Variants in ALDH16A1 observed in about 807,000 individuals in gnomAD.
ALDH16A1 encodes aldehyde dehydrogenase 16 family member A1.
In ALDH16A1, 88 loss-of-function variants were observed where a neutral mutation model predicts 96.1. That is an observed-to-expected ratio of 0.92 (90% CI 0.77 to 1.09). The LOEUF (loss-of-function observed/expected upper bound fraction) is 1.09. Ranked by LOEUF, ALDH16A1 falls within the 50% of genes least tolerant of loss-of-function variation. ALDH16A1 has a pLI of 0.00. For synonymous variants in ALDH16A1, 522 were observed against 496.4 expected (o/e 1.05, Z -0.69); for missense variants, 1,250 against 1,112.6 (o/e 1.12, Z -1.76).
At chr19:49,464,901 C>T in intron 12 of ALDH16A1, 139 bp downstream of exon 12, 1 of 1,338,992 alleles carries the variant, frequency 7.5e-7, no homozygotes, top group South Asian at 1.3e-5. Flanking sequence ...GTTGTGGCCT[C>T]ACACTTTCCC....
chr19:49,458,772 G>A (rs1218188045), intron 2 of ALDH16A1, among the ~76,000 whole-genome samples, 184 bp downstream of exon 2: 1 of 152,210 alleles, frequency 6.6e-6, no homozygotes, highest in Non-Finnish European at 1.5e-5. Flanking sequence ...GGTCTCTGTG[G>A]AGGCTTTGTG....
chr19:49,470,515 G>T lies in ALDH16A1; in HGVS notation c.*48G>T. The T allele has an allele frequency of 1.4e-6, 2 of 1,458,956 alleles. No individual in the cohort carries two copies. The highest frequency in any genetic ancestry group is 1.8e-6 in the Non-Finnish European group (2 of 1,105,358). 90.4% of individuals were successfully genotyped at this position (1,458,956 alleles called of 1,614,324 possible). On this transcript the variant is annotated 3_prime_UTR_variant, in exon 17 of 17. Transcript: ENST00000293350. Reference sequence around the variant, plus strand: ...TTTTGGACACCTCACACCAAGGGGAGATGCACCCCACAGACACCTGGGACT... The same window carrying T: ...TTTTGGACACCTCACACCAAGGGGATATGCACCCCACAGACACCTGGGACT...
chr19:49,462,653 T>A lies in ALDH16A1; in HGVS notation c.996T>A (p.Ser332Arg). Residue 332 changes from serine (S) to arginine (R), a missense_variant, in exon 8 of 17, where the codon AGT becomes AGA. By Grantham distance (110) the Ser-to-Arg change is moderately radical (BLOSUM62 -1). Transcript: ENST00000293350. ...RLQERMGRLR[S>R]GRGLDGAVDM... Reference sequence around the variant, plus strand: ...AGGAGCGGATGGGGCGGCTTCGGAGTGGCCGAGGGCTGGATGGGGCCGTGG... The same window carrying A: ...AGGAGCGGATGGGGCGGCTTCGGAGAGGCCGAGGGCTGGATGGGGCCGTGG... The A allele has an allele frequency of 6.2e-7, 1 of 1,611,848 alleles. No homozygotes were observed. Among genetic ancestry groups the A allele is most frequent in the East Asian group, 2.2e-5 (1 of 44,838 alleles).
Position 49,468,521 on chromosome 19 carries a change from G to C in ALDH16A1, c.2079G>C (p.Met693Ile), listed in dbSNP as rs771599018. 6.2e-7 allele frequency: 1 copy of C among 1,604,674 alleles called. No homozygotes were observed. The highest frequency in any genetic ancestry group is 2.2e-5 in the East Asian group (1 of 44,868). The change falls in exon 15 of 17, where the codon ATG (methionine) becomes ATC (isoleucine). Residue 693 changes from methionine to isoleucine, a missense_variant. Transcript: ENST00000293350. This position sits in a 1 kb window ranked among gnomAD's most constrained non-coding sequence, Gnocchi z 4.4. ...PALAYGNTVV[M>I]VPSAACPLLA... Reference sequence around the variant, plus strand: ...TGGCCTACGGCAACACTGTGGTCATGGTGCCCAGTGCGGCCTGTCCTCTGC... The same window carrying C: ...TGGCCTACGGCAACACTGTGGTCATCGTGCCCAGTGCGGCCTGTCCTCTGC...
intron 7 of ALDH16A1, 53 bp from the exon 8 acceptor site, chr19:49,462,517 C>T: frequency 6.4e-7 from 1 of 1,574,290 alleles, no homozygotes. Flanking sequence ...CTTCAGATCA[C>T]CAACTTGCTA....
In ALDH16A1 at chr19:49,453,282, C is replaced by G. The variant is rs2079081470; in HGVS notation, c.-50C>G. 1 of 1,503,026 alleles carries G rather than the reference C, an allele frequency of 6.7e-7. No homozygotes were observed. The allele number at this position is 1,503,026 out of a possible 1,614,324, so 93.1% of individuals were successfully genotyped here. A position where few individuals can be genotyped will look rare whatever the true frequency, so the allele number is the denominator to read the frequency against. ...TCGCTCTTCGGACCTCAAGGTTCCC[C>G]TTAACACAGAGCGCCCCGCAGTCTT... is the stretch of plus-strand genomic sequence containing the variant. On this transcript the variant is annotated 5_prime_UTR_variant, in exon 1 of 17. Coordinates refer to ENST00000293350, the MANE Select transcript of ALDH16A1 (RefSeq NM_153329.4).
Position 49,459,062 on chromosome 19 carries a change from T to G in ALDH16A1, c.296T>G (p.Val99Gly), listed in dbSNP as rs778982920. The change falls in exon 3 of 17, where the codon GTC (valine) becomes GGC (glycine). Residue 99 changes from valine (V) to glycine (G), a missense_variant. Physicochemically the swap from Val to Gly is moderately radical, Grantham distance 109 (BLOSUM62 -3). Transcript: ENST00000293350. The surrounding 1 kb of genome is among the most constrained non-coding windows in gnomAD (Gnocchi z 4.1). ...AAGGGCTGGAGTGCGCACCCCGGCGTCGTCCGGGCCCAGCACCTGACCAGG... is the reference window on the plus strand; with the variant it reads ...AAGGGCTGGAGTGCGCACCCCGGCGGCGTCCGGGCCCAGCACCTGACCAGG... Reference protein sequence around the residue: ...AFKGWSAHPGVVRAQHLTRLA... With the variant: ...AFKGWSAHPGGVRAQHLTRLA... The G allele has an allele frequency of 2.8e-5, 45 of 1,612,916 alleles. No individual in the cohort carries two copies. The highest frequency in any genetic ancestry group is 8.5e-6 in the Non-Finnish European group (10 of 1,179,938).
Position 49,461,991 on chromosome 19 carries a change from G to C in ALDH16A1, c.867G>C (p.Ser289=). ...TGACGGACACGGCGGACGTAGACTCGGCCGTGGAGGGTGTCGTGGACGCCG... is the reference window on the plus strand; with the variant it reads ...TGACGGACACGGCGGACGTAGACTCCGCCGTGGAGGGTGTCGTGGACGCCG... ...LLLTDTADVD[S]AVEGVVDAAW... The change falls in exon 7 of 17, where the codon TCG becomes TCC. Residue 289 remains serine, a synonymous_variant. Transcript: ENST00000293350. The C allele has an allele frequency of 1.3e-6, 2 of 1,547,334 alleles. No homozygotes were observed. Among genetic ancestry groups the C allele is most frequent in the East Asian group, 2.4e-5 (1 of 41,240 alleles).
chr19:49,460,726 T>TG, intron 4 of ALDH16A1, 96 bp from the exon 5 acceptor site: 1 of 1,041,804 alleles, frequency 9.6e-7, no homozygotes, highest in Non-Finnish European at 1.4e-6. Flanking sequence ...TTTTTTTTTT[T>TG]TTTCCTAATG....
At chr19:49,460,974 C>G in intron 5 of ALDH16A1, 75 bp downstream of exon 5, 2 of 1,494,112 alleles carry the variant, frequency 1.3e-6, no homozygotes, top group African/African-American at 1.4e-5. Context: ...ACTCCAGAGT[C>G]TGAGAGACAA....
intron 9 of ALDH16A1, 65 bp downstream of exon 9, chr19:49,464,014 G>A: frequency 6.3e-7 from 1 of 1,579,524 alleles, no homozygotes; most frequent in Admixed American, 1.8e-5. Flanking sequence ...TCTGTGCCTG[G>A]GGAAGCCCTT....
At chr19:49,465,578 G>A (rs1230031756) in intron 12 of ALDH16A1, among the ~76,000 whole-genome samples, 160 bp from the exon 13 acceptor site, 1 of 151,482 alleles carries the variant, frequency 6.6e-6, no homozygotes, top group Non-Finnish European at 1.5e-5. Context: ...GTGAATCATG[G>A]GAGCAGGAGT....
intron 1 of ALDH16A1, among the ~76,000 whole-genome samples, chr19:49,454,148 A>T (rs895233150): frequency 1.3e-5 from 2 of 149,504 alleles, no homozygotes; most frequent in Non-Finnish European, 3.0e-5. Context: ...TCAGCCCCCC[A>T]AGTAACTGGG....
chr19:49,453,959 A>T (rs1348830530), intron 1 of ALDH16A1, among the ~76,000 whole-genome samples: 2 of 150,212 alleles, frequency 1.3e-5, no homozygotes, highest in Non-Finnish European at 3.0e-5. Context: ...CGTGGGGTTC[A>T]TGTGACCTCA....
chr19:49,459,005 C>T lies in ALDH16A1; in HGVS notation c.239C>T (p.Ala80Val), dbSNP rs2079121663. 6.2e-7 allele frequency: 1 copy of T among 1,613,506 alleles called. No individual in the cohort carries two copies. Reference protein sequence around the residue: ...SCLQAQAEDVAAAVEAARMAF... With the variant: ...SCLQAQAEDVVAAVEAARMAF... ...CTGCAGGCACAGGCCGAGGATGTGG[C>T]TGCAGCCGTGGAGGCAGCCAGGATG... The change falls in exon 3 of 17, where the codon GCT becomes GTT. Residue 80 changes from alanine to valine, a missense_variant. Coordinates refer to ENST00000293350, the MANE Select transcript of ALDH16A1 (RefSeq NM_153329.4). This position sits in a 1 kb window ranked among gnomAD's most constrained non-coding sequence, Gnocchi z 4.1.
Position 49,464,599 on chromosome 19 carries a change from C to G in ALDH16A1, c.1438-33C>G, listed in dbSNP as rs368976678. ...ACACTCGCATCCGGCCTCGCGTGCC[C>G]CTTGCATCCTCTTGACACCGTCCCT... On this transcript the variant is annotated intron_variant, in intron 11 of 16. Coordinates refer to ENST00000293350, the MANE Select transcript of ALDH16A1 (RefSeq NM_153329.4). The G allele has an allele frequency of 2.5e-6, 4 of 1,614,008 alleles. No individual in the cohort carries two copies. The Admixed American group carries it at 6.7e-5, about 27-fold the overall frequency.
At position 49,461,683 on chromosome 19, in the gene ALDH16A1, G is replaced by A. The variant is rs775119440; in HGVS notation, c.642G>A (p.Ala214=). The part of the protein sequence containing the change: ...SPAPLLLAQL[A]GELGPFPGIL... ...CGCCCCTCCTCCTGGCCCAGCTGGC[G>A]GGGGAGCTGGGCCCCTTCCCGGGAA... The change falls in exon 6 of 17, where the codon GCG becomes GCA. Residue 214 remains alanine (A), a synonymous_variant. Transcript: ENST00000293350. 26 of 1,607,604 alleles carry A rather than the reference G, an allele frequency of 1.6e-5. No individual in the cohort carries two copies. Among genetic ancestry groups the A allele is most frequent in the Admixed American group, 1.0e-4 (6 of 59,706 alleles).
Position 49,464,683 on chromosome 19 carries a change from C to T in ALDH16A1, c.1489C>T (p.Leu497Phe), listed in dbSNP as rs1452711731. Residue 497 changes from leucine (L) to phenylalanine (F), a missense_variant, in exon 12 of 17, where the codon CTC (leucine) becomes TTC (phenylalanine). Transcript: ENST00000293350. ...AGGGACCCCTGCCCGGCTGTCCTGC[C>T]TCTCCAAGAACCTGAACTATGACAC... The part of the protein sequence containing the change: ...PSGTPARLSC[L>F]SKNLNYDTFG... 1.2e-6 allele frequency: 2 copies of T among 1,614,084 alleles called. No individual in the cohort carries two copies. The highest frequency in any genetic ancestry group is 8.5e-7 in the Non-Finnish European group (1 of 1,180,038).
intron 12 of ALDH16A1, 67 bp from the exon 13 acceptor site, chr19:49,465,671 C>A: frequency 6.6e-7 from 1 of 1,519,550 alleles, no homozygotes; most frequent in African/African-American, 1.4e-5. Context: ...CTTCCCAGTG[C>A]GGTAGAGCAT....
Sources: gnomAD v4.1 joint callset for allele counts (sites outside exome capture counted in the v4.1 genomes callset) on GRCh38, gnomAD v4.1.1 for gene constraint, Gnocchi (gnomAD v3.1) non-coding constraint, MANE v1.5 for transcripts, NCBI Gene and HGNC (gene_info 2026-07-23, HGNC 2026-07-21) for gene names.